The following CR1 variants were observed in gnomAD, a reference collection of about 807,000 sequenced individuals.
CR1 encodes complement receptor type 1.
Under a neutral mutation model 187.3 loss-of-function variants are expected in CR1, and 116 were observed. The observed-to-expected ratio is 0.62, with a 90% CI of 0.53 to 0.72. CR1 has a LOEUF of 0.72. Among genes scored for constraint, CR1 ranks in the 30% least tolerant of loss-of-function variants. The probability of loss-of-function intolerance (pLI) is 0.00; values close to 1 mark genes in which losing one functional copy is unlikely to be tolerated. For synonymous variants in CR1, 576 were observed against 747.1 expected (o/e 0.77, Z 3.73); for missense variants, 1,731 against 2,110.7 (o/e 0.82, Z 3.52).
chr1:207,584,361 T>C (rs1661046726), intron 32 of CR1, among the ~76,000 whole-genome samples: 2 of 152,212 alleles, frequency 1.3e-5, no homozygotes. Flanking sequence ...TGAAGATTTT[T>C]ATTTACTTTA....
chr1:207,497,328 CTAT>C (rs1253940023), intron 1 of CR1, among the ~76,000 whole-genome samples: 2 of 152,144 alleles, frequency 1.3e-5, no homozygotes, highest in African/African-American at 4.8e-5. Context: ...TAGAACCCTT[CTAT>C]TATTATTTTT....
rs531432892 is a variant in CR1 at position 207,601,774 on chromosome 1, G to T, written c.5811-5477G>T. On this transcript the variant is annotated intron_variant, in intron 35 of 46. Coordinates refer to ENST00000367049, the MANE Select transcript of CR1 (RefSeq NM_000651.6). ...TCGTAATTGGGTTGTTTGTTTCATT[G>T]TTATTGAGTTACAGGAGTCCTTTAT... is the stretch of plus-strand genomic sequence containing the variant. Among the ~76,000 whole-genome samples, 3 of 151,972 alleles carry T rather than the reference G, an allele frequency of 2.0e-5. No homozygotes were observed. The East Asian group carries it at 5.8e-4, about 29-fold the overall frequency.
In CR1 at chr1:207,577,805, G is replaced by C. The variant is rs1403506210; in HGVS notation, c.4538G>C (p.Arg1513Pro). The C allele has an allele frequency of 6.2e-7, 1 of 1,613,756 alleles. No homozygotes were observed. Among genetic ancestry groups the C allele is most frequent in the Admixed American group, 1.7e-5 (1 of 60,012 alleles). ...HWSTKPPICQ[R>P]IPCGLPPTIA... ...GGTTAACTTGCTGTCTCTTTTCCAG[G>C]AATTCCTTGTGGGCTACCCCCAACC... The change falls in exon 29 of 47, where the codon CGA becomes CCA. Residue 1513 changes from arginine to proline, a missense_variant and splice_region_variant. This residue lies in a region of CR1 where 1,312 missense variants were observed against 1,379.6 expected (regional missense o/e 0.95). Coordinates refer to ENST00000367049, the MANE Select transcript of CR1 (RefSeq NM_000651.6).
intron 25 of CR1, 37 bp downstream of exon 25, chr1:207,568,079 G>T (rs760657745): frequency 1.2e-6 from 2 of 1,610,698 alleles, no homozygotes; most frequent in African/African-American, 2.8e-5. Flanking sequence ...AATGGGTTCA[G>T]AATATCTAAC....
chr1:207,632,766 C>T (rs1344217262), intron 46 of CR1, among the ~76,000 whole-genome samples: 1 of 142,002 alleles, frequency 7.0e-6, no homozygotes, highest in Non-Finnish European at 1.5e-5. Context: ...CCACTGTACT[C>T]CAGCCTGGGT....
In CR1 at chr1:207,618,250, G is replaced by C; in HGVS notation, c.7066+3G>C. On this transcript the variant is annotated splice_donor_region_variant and intron_variant, in intron 42 of 46. Coordinates refer to ENST00000367049, the MANE Select transcript of CR1 (RefSeq NM_000651.6). The stretch of plus-strand genomic sequence containing the variant: ...CCAATTGGATCATTATTGCAAAGGT[G>C]ACTTATTTCTTGGTATTCCTTATTC... 1 of 1,612,598 alleles carries C rather than the reference G, an allele frequency of 6.2e-7. No homozygotes were observed. Among genetic ancestry groups the C allele is most frequent in the Non-Finnish European group, 8.5e-7 (1 of 1,179,104 alleles).
rs1662975887 is a variant in CR1, at chr1:207,641,272, G to A, written c.*1863G>A. On this transcript the variant is annotated 3_prime_UTR_variant, in exon 47 of 47. Transcript: ENST00000367049. ...TCCCATTACAAGAAAAAAAAATCCTGTGTTCTTTTTTTTTTCCAGAATGGA... is the reference window on the plus strand; with the variant it reads ...TCCCATTACAAGAAAAAAAAATCCTATGTTCTTTTTTTTTTCCAGAATGGA... The A allele has an allele frequency of 6.6e-6, 1 of 151,720 alleles. No individual in the cohort carries two copies. Among genetic ancestry groups the A allele is most frequent in the Non-Finnish European group, 1.5e-5 (1 of 67,876 alleles). 9.4% of individuals were successfully genotyped at this position (151,720 alleles called of 1,614,324 possible). A position where few individuals can be genotyped will look rare whatever the true frequency, so the allele number is the denominator to read the frequency against.
At chr1:207,504,776 G>A (rs1049636796) in intron 1 of CR1, among the ~76,000 whole-genome samples, 4 of 152,118 alleles carry the variant, frequency 2.6e-5, no homozygotes, top group African/African-American at 2.4e-5. Flanking sequence ...TTTTTAAAAA[G>A]GAGCCCATTT....
Position 207,588,095 on chromosome 1 carries a change from C to T in CR1, c.5710+530C>T, listed in dbSNP as rs542242675. Among the ~76,000 whole-genome samples, 7 of 152,250 alleles carry T rather than the reference C, an allele frequency of 4.6e-5. No homozygotes were observed. The South Asian group carries it at 1.0e-3, about 23-fold the overall frequency. ...TTTTGAGGCCTTTGATTTTGGCTGG[C>T]GGAATGAGAGTACAACACTTTAGCC... On this transcript the variant is annotated intron_variant, in intron 34 of 46. Coordinates refer to ENST00000367049, the MANE Select transcript of CR1 (RefSeq NM_000651.6).
chr1:207,636,966 A>T (rs905876838), intron 46 of CR1, among the ~76,000 whole-genome samples: 1 of 152,232 alleles, frequency 6.6e-6, no homozygotes, highest in Non-Finnish European at 1.5e-5. Context: ...CTAGCATATA[A>T]GGGGGCTTTA....
chr1:207,613,635 T>A (rs1472263287), intron 39 of CR1, among the ~76,000 whole-genome samples: 2 of 152,162 alleles, frequency 1.3e-5, no homozygotes, highest in Non-Finnish European at 2.9e-5. Flanking sequence ...TGTTTATGTG[T>A]ATCCATTACT....
At position 207,635,429 on chromosome 1, in the gene CR1, G is replaced by C. The variant is rs1258373503; in HGVS notation, c.7458-3968G>C. ...GAATTAACTGCTGTGCTTTAGATAT[G>C]TATACACATAAATATCTCAATGCCT... On this transcript the variant is annotated intron_variant, in intron 46 of 46. Coordinates refer to ENST00000367049, the MANE Select transcript of CR1 (RefSeq NM_000651.6). Among the ~76,000 whole-genome samples the C allele has an allele frequency of 1.6e-4, 24 of 152,130 alleles. 1 individual carries two copies. The highest frequency in any genetic ancestry group is 1.5e-3 in the Admixed American group (23 of 15,278).
At position 207,580,492 on chromosome 1, in the gene CR1, T is replaced by C; in HGVS notation, c.5114-19T>C. The C allele has an allele frequency of 1.3e-6, 2 of 1,590,520 alleles. No homozygotes were observed. The highest frequency in any genetic ancestry group is 1.7e-6 in the Non-Finnish European group (2 of 1,173,384). On this transcript the variant is annotated intron_variant, in intron 30 of 46. Coordinates refer to ENST00000367049, the MANE Select transcript of CR1 (RefSeq NM_000651.6). ...GGTCTTACTCCTATTTTTTCTTTTT[T>C]TTTTTTTTCTTCTTCTAGTGAAATC...
intron 24 of CR1, among the ~76,000 whole-genome samples, chr1:207,567,420 A>G (rs1660535777): frequency 6.6e-6 from 1 of 150,380 alleles, no homozygotes; most frequent in Non-Finnish European, 1.5e-5. Context: ...TTTGAGAAAT[A>G]TTTCCTAAGA....
chr1:207,565,683 G>A (rs899705229), intron 23 of CR1, among the ~76,000 whole-genome samples, 155 bp from the exon 24 acceptor site: 1 of 150,134 alleles, frequency 6.7e-6, no homozygotes, highest in African/African-American at 2.5e-5. Flanking sequence ...CCTTCTGGAG[G>A]CTGTGATTTT....
intron 32 of CR1, 122 bp downstream of exon 32, chr1:207,582,125 T>G (rs1265163867): frequency 1.7e-6 from 1 of 581,424 alleles, no homozygotes; most frequent in Non-Finnish European, 3.0e-6. Context: ...GAAATTGTTC[T>G]TTGTTGGAAT....
chr1:207,496,428 G>C, intron 1 of CR1, 40 bp downstream of exon 1: 1 of 1,565,352 alleles, frequency 6.4e-7, no homozygotes, highest in Non-Finnish European at 8.6e-7. Flanking sequence ...CCGGGCGGAC[G>C]AGGAACCCGG....
Position 207,641,106 on chromosome 1 carries a change from T to C in CR1, c.*1697T>C, listed in dbSNP as rs10779339. 82,249 of 152,026 alleles carry C rather than the reference T, an allele frequency of 0.54. 22,679 individuals are homozygous for C. Among genetic ancestry groups the C allele is most frequent in the East Asian group, 0.67 (3,483 of 5,186 alleles). The allele number at this position is 152,026 out of a possible 1,614,324, so 9.4% of individuals were successfully genotyped here. A position where few individuals can be genotyped will look rare whatever the true frequency, so the allele number is the denominator to read the frequency against. ...AAGAAGGGCAAATAGGTGGTGAGTATATGTAAAGATACTTGATAGGACTTT... is the reference window on the plus strand; with the variant it reads ...AAGAAGGGCAAATAGGTGGTGAGTACATGTAAAGATACTTGATAGGACTTT... On this transcript the variant is annotated 3_prime_UTR_variant, in exon 47 of 47. Transcript: ENST00000367049.
intron 25 of CR1, 93 bp downstream of exon 25, chr1:207,568,135 A>C: frequency 6.3e-7 from 1 of 1,599,166 alleles, no homozygotes; most frequent in Non-Finnish European, 8.5e-7. Flanking sequence ...ATTTATTTGT[A>C]TGTATGCATT....
Sources: allele counts gnomAD v4.1 joint callset (sites outside exome capture counted in the v4.1 genomes callset), GRCh38; gene constraint gnomAD v4.1.1; regional missense constraint gnomAD v4.1.1; transcripts MANE v1.5; gene names NCBI Gene and HGNC (gene_info 2026-07-23, HGNC 2026-07-21).